Variants in LOC400499 observed in about 807,000 individuals in gnomAD.
chr16:11,450,566 T>C, the LOC400499 span: 7 of 1,518,724 alleles, frequency 4.6e-6, no homozygotes, highest in Admixed American at 7.9e-5. Context: ...AAGATCTCAG[T>C]GGCAGGGGAC....
the LOC400499 span, among the ~76,000 whole-genome samples, chr16:11,501,496 A>G: frequency 4.0e-3 from 609 of 152,218 alleles, 5 homozygotes; most frequent in African/African-American, 0.014. Flanking sequence ...AGCTGGGACC[A>G]CAAGTGTTCG....
the LOC400499 span, chr16:11,384,765 T>G: frequency 4.6e-6 from 4 of 872,562 alleles, no homozygotes; most frequent in African/African-American, 7.0e-5. Context: ...GCTGCCATGC[T>G]AGAGACGAGG....
the LOC400499 span, among the ~76,000 whole-genome samples, chr16:11,503,013 CT>C: frequency 6.8e-6 from 1 of 147,624 alleles, no homozygotes; most frequent in Non-Finnish European, 1.5e-5. Flanking sequence ...CCTCAACCTC[CT>C]GGGCTCCAGC....
chr16:11,435,506 T>C, the LOC400499 span, among the ~76,000 whole-genome samples: 1 of 152,196 alleles, frequency 6.6e-6, no homozygotes, highest in African/African-American at 2.4e-5. Flanking sequence ...CCACCCTCTT[T>C]TCATGCCCTC....
the LOC400499 span, among the ~76,000 whole-genome samples, chr16:11,386,408 G>T: frequency 5.3e-5 from 8 of 152,236 alleles, no homozygotes; most frequent in African/African-American, 1.9e-4. Flanking sequence ...CACACACATG[G>T]AACTTGAAGA....
chr16:11,448,903 C>T, the LOC400499 span: 11 of 1,451,026 alleles, frequency 7.6e-6, no homozygotes, highest in South Asian at 1.3e-5. Flanking sequence ...GCTGCACGGG[C>T]CTCCTGGGTT....
At chr16:11,517,751 C>T in the LOC400499 span, among the ~76,000 whole-genome samples, 2 of 152,168 alleles carry the variant, frequency 1.3e-5, no homozygotes, top group Admixed American at 6.5e-5. Flanking sequence ...AGAAAGGTGC[C>T]TGGGTCTGGT....
At chr16:11,448,841 C>A in the LOC400499 span, 1 of 1,230,600 alleles carries the variant, frequency 8.1e-7, no homozygotes, top group South Asian at 2.3e-5. Context: ...CTTTTCCATC[C>A]GAAGCAGGGA....
the LOC400499 span, among the ~76,000 whole-genome samples, chr16:11,402,475 C>T: frequency 6.6e-6 from 1 of 152,184 alleles, no homozygotes; most frequent in African/African-American, 2.4e-5. Context: ...TAAAATTCAG[C>T]AAAGTTGACC....
the LOC400499 span, among the ~76,000 whole-genome samples, chr16:11,375,039 G>T: frequency 1.3e-5 from 2 of 152,066 alleles, no homozygotes; most frequent in East Asian, 3.9e-4. Flanking sequence ...GTAGAGATGG[G>T]GTTTCACCAT....
At chr16:11,420,338 A>G in the LOC400499 span, among the ~76,000 whole-genome samples, 1 of 151,216 alleles carries the variant, frequency 6.6e-6, no homozygotes, top group Non-Finnish European at 1.5e-5. Flanking sequence ...GCAAACTATC[A>G]CAAGGACAAA....
At chr16:11,429,996 G>A in the LOC400499 span, among the ~76,000 whole-genome samples, 1 of 152,066 alleles carries the variant, frequency 6.6e-6, no homozygotes, top group Non-Finnish European at 1.5e-5. Context: ...AAGAAACCTG[G>A]CAACCCTACC....
At chr16:11,414,890 G>A in the LOC400499 span, among the ~76,000 whole-genome samples, 3 of 152,120 alleles carry the variant, frequency 2.0e-5, no homozygotes, top group Admixed American at 6.6e-5. Flanking sequence ...AAATGACCTC[G>A]CTCACTTACT....
At chr16:11,433,962 C>T in the LOC400499 span, among the ~76,000 whole-genome samples, 31 of 152,218 alleles carry the variant, frequency 2.0e-4, no homozygotes, top group African/African-American at 6.0e-4. Flanking sequence ...GCCATTTTCG[C>T]GAATGATCAG....
the LOC400499 span, chr16:11,393,434 G>C: frequency 8.1e-6 from 10 of 1,232,180 alleles, no homozygotes; most frequent in African/African-American, 1.6e-5. Flanking sequence ...TTGGGGCCCG[G>C]AACACAGACA....
At chr16:11,436,735 C>T in the LOC400499 span, among the ~76,000 whole-genome samples, 1 of 151,978 alleles carries the variant, frequency 6.6e-6, no homozygotes, top group Admixed American at 6.6e-5. Context: ...ATACAAGTGC[C>T]CGCCACCATG....
the LOC400499 span, among the ~76,000 whole-genome samples, chr16:11,419,489 AT>A: frequency 1.3e-5 from 2 of 150,654 alleles, no homozygotes; most frequent in Non-Finnish European, 3.0e-5. Context: ...CCTAAAAACC[AT>A]AAAAACCCTA....
At chr16:11,441,213 C>T in the LOC400499 span, 1 of 397,344 alleles carries the variant, frequency 2.5e-6, no homozygotes, top group East Asian at 3.6e-5. Context: ...CTACACTCTT[C>T]CACTTATAGG....
chr16:11,465,145 A>C, the LOC400499 span: 2 of 152,376 alleles, frequency 1.3e-5, no homozygotes, highest in Admixed American at 1.3e-4. Context: ...TGGTGGGATC[A>C]AGTCTAAAGC....
Sources: allele counts gnomAD v4.1 joint callset (sites outside exome capture counted in the v4.1 genomes callset), GRCh38; gene constraint gnomAD v4.1.1; transcripts MANE v1.5.